The following EXOC6B variants were observed in gnomAD, a reference collection of about 807,000 sequenced individuals.
EXOC6B encodes the protein SEC15 homolog B.
Under a neutral mutation model 113.5 loss-of-function variants are expected in EXOC6B, and 54 were observed. The ratio of observed to expected loss-of-function variants is 0.48; its 90% CI spans 0.38 to 0.60. The LOEUF (loss-of-function observed/expected upper bound fraction) is 0.60. Ranked by LOEUF, EXOC6B falls within the 20% of genes least tolerant of loss-of-function variation. EXOC6B has a pLI of 0.00. For missense variants in EXOC6B, 797 were observed against 977.5 expected, an observed-to-expected ratio of 0.82 and a Z score of 2.46; for synonymous variants, 357 against 339.0, an observed-to-expected ratio of 1.05 and a Z score of -0.58.
chr2:72,562,168 C>T (rs73943200), intron 7 of EXOC6B, among the ~76,000 whole-genome samples: 1 of 152,202 alleles, frequency 6.6e-6, no homozygotes, highest in African/African-American at 2.4e-5. Context: ...TGTGTTTTCT[C>T]TGCTGCCACT....
At chr2:72,492,507 G>A (rs918822046) in intron 15 of EXOC6B, 78 bp from the exon 16 acceptor site, 7 of 779,182 alleles carry the variant, frequency 9.0e-6, no homozygotes, top group Admixed American at 5.7e-5. Context: ...AGTGGTATTC[G>A]TGGTAATAAT....
In EXOC6B at chr2:72,663,857, T is replaced by C. The variant is rs1675191777; in HGVS notation, c.669+54246A>G. On this transcript the variant is annotated intron_variant, in intron 6 of 21. Transcript: ENST00000272427. ...TAATGTAAGCTATAGCTTTAGTTAA[T>C]AATAATGCATCAATATTGGCTCATC... Among the ~76,000 whole-genome samples the C allele has an allele frequency of 2.0e-5, 3 of 152,158 alleles. No homozygotes were observed. The South Asian group carries it at 6.2e-4, about 32-fold the overall frequency.
intron 20 of EXOC6B, among the ~76,000 whole-genome samples, chr2:72,216,382 A>G (rs1680531735): frequency 6.6e-6 from 1 of 152,250 alleles, no homozygotes; most frequent in African/African-American, 2.4e-5. Flanking sequence ...CAGCATGGCA[A>G]TTATTAAAAA....
At chr2:72,214,151 T>C (rs889827729) in intron 20 of EXOC6B, among the ~76,000 whole-genome samples, 4 of 146,868 alleles carry the variant, frequency 2.7e-5, no homozygotes, top group African/African-American at 7.3e-5. Flanking sequence ...AAACTGTGAC[T>C]GGTGCCTGGA....
At chr2:72,753,277 A>G (rs1048187716) in intron 1 of EXOC6B, among the ~76,000 whole-genome samples, 2 of 151,348 alleles carry the variant, frequency 1.3e-5, no homozygotes, top group African/African-American at 4.9e-5. Flanking sequence ...TTAACTTTCT[A>G]CCCAAACCCA....
chr2:72,539,752 G>A lies in EXOC6B; in HGVS notation c.915+19701C>T, dbSNP rs572182578. On this transcript the variant is annotated intron_variant, in intron 8 of 21. Coordinates refer to ENST00000272427, the MANE Select transcript of EXOC6B (RefSeq NM_015189.3). ...GCTATGCGTGTGTGTGTGTGTGTGC[G>A]CGCGCGCGCGCGTGTGTGTAGTCTG... 9.6e-4 allele frequency among the ~76,000 whole-genome samples: 121 copies of A among 126,242 alleles called. No homozygotes were observed. The Middle Eastern group carries it at 0.034, about 36-fold the overall frequency. The allele number at this position is 126,242 out of a possible 152,430, so 82.8% of individuals were successfully genotyped here.
chr2:72,317,403 C>A (rs1687584303), intron 20 of EXOC6B, among the ~76,000 whole-genome samples: 1 of 151,866 alleles, frequency 6.6e-6, no homozygotes, highest in African/African-American at 2.4e-5. Context: ...AAAAGATATG[C>A]CACACAGAAA....
chr2:72,730,950 T>C, intron 5 of EXOC6B, 57 bp downstream of exon 5: 1 of 1,278,076 alleles, frequency 7.8e-7, no homozygotes, highest in East Asian at 2.5e-5. Context: ...CCTAAACGTA[T>C]TCTAAACAAC....
intron 18 of EXOC6B, chr2:72,463,698 AAGG>A (rs1697855964): frequency 6.6e-6 from 1 of 152,234 alleles, no homozygotes; most frequent in African/African-American, 2.4e-5. Context: ...TTTGAAAAGC[AAGG>A]AGATTTCTCA....
At chr2:72,223,441 C>T (rs1273789476) in intron 20 of EXOC6B, among the ~76,000 whole-genome samples, 1 of 152,138 alleles carries the variant, frequency 6.6e-6, no homozygotes, top group Non-Finnish European at 1.5e-5. Context: ...AGATTGCAAA[C>T]AGAGCAAGCC....
At chr2:72,419,746 A>G (rs1165327372) in intron 18 of EXOC6B, among the ~76,000 whole-genome samples, 4 of 152,112 alleles carry the variant, frequency 2.6e-5, no homozygotes, top group Non-Finnish European at 2.9e-5. Flanking sequence ...GTTTTTCAAA[A>G]GTTTTATTTT....
intron 8 of EXOC6B, among the ~76,000 whole-genome samples, chr2:72,521,519 C>A (rs1426778673): frequency 1.3e-5 from 2 of 152,134 alleles, no homozygotes; most frequent in African/African-American, 4.8e-5. Context: ...AAACACATCA[C>A]CTAACAGCTA....
intron 1 of EXOC6B, among the ~76,000 whole-genome samples, chr2:72,755,948 A>C (rs1347512534): frequency 6.6e-6 from 1 of 152,168 alleles, no homozygotes; most frequent in East Asian, 1.9e-4. Flanking sequence ...TGATGATTAA[A>C]CCATGGACAA....
intron 12 of EXOC6B, among the ~76,000 whole-genome samples, chr2:72,498,901 T>A (rs1488106326): frequency 6.6e-6 from 1 of 152,156 alleles, no homozygotes; most frequent in Non-Finnish European, 1.5e-5. Context: ...GTAAAAATGC[T>A]TCGAATCTCA....
chr2:72,190,946 T>C (rs991098262), intron 20 of EXOC6B, among the ~76,000 whole-genome samples: 1 of 152,206 alleles, frequency 6.6e-6, no homozygotes, highest in African/African-American at 2.4e-5. Flanking sequence ...TGATAAATGT[T>C]AAGGCTAATT....
At chr2:72,247,069 G>A (rs1682708760) in intron 20 of EXOC6B, among the ~76,000 whole-genome samples, 1 of 151,974 alleles carries the variant, frequency 6.6e-6, no homozygotes, top group Non-Finnish European at 1.5e-5. Flanking sequence ...TCTAGAAGAG[G>A]GTAACAAAAT....
At chr2:72,751,397 G>C (rs2104855603) in intron 1 of EXOC6B, among the ~76,000 whole-genome samples, 1 of 152,138 alleles carries the variant, frequency 6.6e-6, no homozygotes, top group East Asian at 1.9e-4. Flanking sequence ...GAATGTCTGG[G>C]TTACAATAAG....
At chr2:72,817,595 GAC>G (rs1686324932) in intron 1 of EXOC6B, among the ~76,000 whole-genome samples, 1 of 145,596 alleles carries the variant, frequency 6.9e-6, no homozygotes, top group Admixed American at 7.0e-5. Flanking sequence ...CCCTTGAACA[GAC>G]ATTCCAACAG....
intron 21 of EXOC6B, among the ~76,000 whole-genome samples, chr2:72,182,063 G>A (rs1678121565): frequency 1.3e-5 from 2 of 152,206 alleles, no homozygotes; most frequent in South Asian, 4.1e-4. Context: ...GGAAAAGCAG[G>A]AATAGGTCAG....
Sources: gnomAD v4.1 joint callset for allele counts (sites outside exome capture counted in the v4.1 genomes callset) on GRCh38, gnomAD v4.1.1 for gene constraint, MANE v1.5 for transcripts, NCBI Gene and HGNC (gene_info 2026-07-23, HGNC 2026-07-21) for gene names.